Variants in WDR17 observed in about 807,000 individuals in gnomAD.
WDR17 encodes WD repeat domain 17.
In WDR17, 143 loss-of-function variants were observed where a neutral mutation model predicts 161.7. The ratio of observed to expected loss-of-function variants is 0.88; its 90% CI spans 0.77 to 1.02. The LOEUF is 1.02. Among genes scored for constraint, WDR17 ranks in the 50% least tolerant of loss-of-function variants. The probability of loss-of-function intolerance (pLI) is 0.00; values close to 1 mark genes in which losing one functional copy is unlikely to be tolerated. For synonymous variants in WDR17, 517 were observed against 515.6 expected, an observed-to-expected ratio of 1.00 and a Z score of -0.04; for missense variants, 1,469 against 1,520.9, an observed-to-expected ratio of 0.97 and a Z score of 0.57.
Position 176,180,251 on chromosome 4 carries a change from G to A in WDR17, c.*672G>A, listed in dbSNP as rs567400382. The A allele has an allele frequency of 4.0e-5, 6 of 151,474 alleles. No homozygotes were observed. The East Asian group carries it at 1.2e-3, about 30-fold the overall frequency. The allele number at this position is 151,474 out of a possible 1,614,324, so 9.4% of individuals were successfully genotyped here. Reference sequence around the variant, plus strand: ...TTATATAGGCTTGAAAAAAATTGGCGGGTAAAAATCACAAAATGCAGTCGA... The same window carrying A: ...TTATATAGGCTTGAAAAAAATTGGCAGGTAAAAATCACAAAATGCAGTCGA... On this transcript the variant is annotated 3_prime_UTR_variant, in exon 29 of 29. Transcript: ENST00000508596.
rs145598314 is a variant in WDR17, at chr4:176,115,806, G to T, written c.134G>T (p.Arg45Leu). 5 of 1,602,350 alleles carry T rather than the reference G, an allele frequency of 3.1e-6. No individual in the cohort carries two copies. The highest frequency in any genetic ancestry group is 4.3e-6 in the Non-Finnish European group (5 of 1,174,278). ...TATATTTTGTTTTAGTTGGATCACC[G>T]TTATAATGAATTCAAACTTCACGCA... ...LAIYIYQLDHRYNEFKLHAIM... is the reference protein window; with the variant it reads ...LAIYIYQLDHLYNEFKLHAIM... The change falls in exon 3 of 29, where the codon CGT becomes CTT. Residue 45 changes from arginine to leucine, a missense_variant. By Grantham distance (102) the Arg-to-Leu change is moderately radical. Coordinates refer to ENST00000508596, the MANE Select transcript of WDR17 (RefSeq NM_181265.4).
chr4:176,174,063 G>A (rs908131014), intron 25 of WDR17, among the ~76,000 whole-genome samples: 2 of 151,886 alleles, frequency 1.3e-5, no homozygotes, highest in Admixed American at 6.6e-5. Flanking sequence ...AAGTAAAATT[G>A]CTGGAAAGTA....
intron 17 of WDR17, among the ~76,000 whole-genome samples, chr4:176,152,416 G>A (rs913956640): frequency 6.6e-6 from 1 of 151,260 alleles, no homozygotes; most frequent in African/African-American, 2.4e-5. Context: ...CCAACATGGG[G>A]AAACCTTGTC....
Position 176,160,970 on chromosome 4 carries a change from T to C in WDR17, c.2718T>C (p.Tyr906=), listed in dbSNP as rs1487267458. 8.7e-6 allele frequency: 14 copies of C among 1,610,860 alleles called. No individual in the cohort carries two copies. Among genetic ancestry groups the C allele is most frequent in the Non-Finnish European group, 1.1e-5 (13 of 1,178,574 alleles). ...TTTCCGTGCCTAAAGGAGCTTCATA[T>C]TCTGATGATATCTACAAGGAAGACT... is the stretch of plus-strand genomic sequence containing the variant. ...LHVSVPKGAS[Y]SDDIYKEDFN... The change falls in exon 20 of 29, where the codon TAT becomes TAC. Residue 906 remains tyrosine, a synonymous_variant. Transcript: ENST00000508596.
At chr4:176,090,273 A>G (rs1735950404) in intron 1 of WDR17, among the ~76,000 whole-genome samples, 1 of 150,178 alleles carries the variant, frequency 6.7e-6, no homozygotes, top group African/African-American at 2.5e-5. Context: ...AAAAAAAAAA[A>G]GCCTGGCATT....
At position 176,065,947 on chromosome 4, in the gene WDR17, GC is replaced by G; in HGVS notation, c.-134del. On this transcript the variant is annotated 5_prime_UTR_variant, in exon 1 of 29. Transcript: ENST00000508596. ...CGGAGCCCGCGGGCCCGGCCGCCCC[GC>G]CCCCGGGCGCCCTGAGCGAGCAGGC... The G allele has an allele frequency of 6.6e-6, 1 of 152,048 alleles. No individual in the cohort carries two copies. The highest frequency in any genetic ancestry group is 1.5e-5 in the Non-Finnish European group (1 of 67,970). 9.4% of individuals were successfully genotyped at this position (152,048 alleles called of 1,614,324 possible).
intron 3 of WDR17, among the ~76,000 whole-genome samples, 194 bp from the exon 4 acceptor site, chr4:176,119,673 C>A (rs1579099698): frequency 6.6e-6 from 1 of 152,146 alleles, no homozygotes; most frequent in East Asian, 1.9e-4. Context: ...GATACATTTT[C>A]TTTCATCATG....
chr4:176,177,956 G>GCCT (rs1191013945), intron 28 of WDR17, among the ~76,000 whole-genome samples: 1 of 109,074 alleles, frequency 9.2e-6, no homozygotes, highest in Non-Finnish European at 1.7e-5. Context: ...TTGCACTCCA[G>GCCT]CCTGGGCAAC....
chr4:176,145,057 A>G (rs991924448), intron 11 of WDR17, among the ~76,000 whole-genome samples: 3 of 152,230 alleles, frequency 2.0e-5, no homozygotes, highest in Non-Finnish European at 4.4e-5. Flanking sequence ...TTAAATAAAT[A>G]TAAGTATTAT....
rs772229922 is a variant in WDR17, at chr4:176,180,356, A to C, written c.*777A>C. On this transcript the variant is annotated 3_prime_UTR_variant, in exon 29 of 29. Coordinates refer to ENST00000508596, the MANE Select transcript of WDR17 (RefSeq NM_181265.4). ...GCATGCATGGATATTAGTTTTGATT[A>C]ATGTGTACAATAATTTACACAGTAT... 2 of 152,172 alleles carry C rather than the reference A, an allele frequency of 1.3e-5. No individual in the cohort carries two copies. The highest frequency in any genetic ancestry group is 2.9e-5 in the Non-Finnish European group (2 of 68,030). 9.4% of individuals were successfully genotyped at this position (152,172 alleles called of 1,614,324 possible). A position where few individuals can be genotyped will look rare whatever the true frequency, so the allele number is the denominator to read the frequency against.
At chr4:176,173,182 A>C (rs1169915532) in intron 24 of WDR17, 85 bp from the exon 25 acceptor site, 3 of 897,598 alleles carry the variant, frequency 3.3e-6, no homozygotes, top group Non-Finnish European at 5.0e-6. Context: ...TGACTGACAG[A>C]AAATTAATTA....
chr4:176,086,163 A>T (rs1390214885), intron 1 of WDR17, among the ~76,000 whole-genome samples: 1 of 151,966 alleles, frequency 6.6e-6, no homozygotes, highest in African/African-American at 2.4e-5. Context: ...ATATACTCTG[A>T]ATGATTTCAG....
At chr4:176,176,458 C>T (rs562166930) in intron 26 of WDR17, among the ~76,000 whole-genome samples, 10 of 152,276 alleles carry the variant, frequency 6.6e-5, no homozygotes, top group Middle Eastern at 3.4e-3. Flanking sequence ...TCTCCTCCCA[C>T]GGCTCCACTC....
intron 2 of WDR17, 92 bp downstream of exon 2, chr4:176,111,795 A>G (rs942302877): frequency 9.0e-7 from 1 of 1,116,038 alleles, no homozygotes. Context: ...CATGAAAAAC[A>G]TAATGCTATA....
At chr4:176,088,828 C>A (rs981943024) in intron 1 of WDR17, among the ~76,000 whole-genome samples, 1 of 152,000 alleles carries the variant, frequency 6.6e-6, no homozygotes, top group Non-Finnish European at 1.5e-5. Context: ...TTTGTTTCTG[C>A]CTTCTTCATC....
chr4:176,135,006 G>T, intron 7 of WDR17, 102 bp from the exon 8 acceptor site: 2 of 1,196,220 alleles, frequency 1.7e-6, no homozygotes, highest in Admixed American at 2.3e-5. Context: ...TTAATATTTG[G>T]AAAACCGTAT....
At chr4:176,161,108 C>T in intron 20 of WDR17, 106 bp downstream of exon 20, 1 of 788,232 alleles carries the variant, frequency 1.3e-6, no homozygotes, top group Non-Finnish European at 1.9e-6. Context: ...GATGACTTGA[C>T]TGCCTCAACC....
chr4:176,074,160 A>C (rs1205372456), intron 1 of WDR17, among the ~76,000 whole-genome samples: 1 of 151,464 alleles, frequency 6.6e-6, no homozygotes, highest in East Asian at 1.9e-4. Flanking sequence ...GGTGTTTTAG[A>C]CATGAAGTCC....
At position 176,174,697 on chromosome 4, in the gene WDR17, C is replaced by G. The variant is rs1384936883; in HGVS notation, c.3428C>G (p.Pro1143Arg). The change falls in exon 26 of 29, where the codon CCA becomes CGA. Residue 1143 changes from proline to arginine, a missense_variant. Coordinates refer to ENST00000508596, the MANE Select transcript of WDR17 (RefSeq NM_181265.4). Reference protein sequence around the residue: ...AIRRQYQSIVPALYEYTSQLL... With the variant: ...AIRRQYQSIVRALYEYTSQLL... ...AGAAGACAGTACCAAAGCATTGTTC[C>G]AGCACTTTATGAGTACACAAGGTAA... The G allele has an allele frequency of 1.2e-6, 2 of 1,610,146 alleles. No individual in the cohort carries two copies. The highest frequency in any genetic ancestry group is 1.7e-6 in the Non-Finnish European group (2 of 1,177,684).
Sources: gnomAD v4.1 joint callset for allele counts (sites outside exome capture counted in the v4.1 genomes callset) on GRCh38, gnomAD v4.1.1 for gene constraint, MANE v1.5 for transcripts, NCBI Gene and HGNC (gene_info 2026-07-23, HGNC 2026-07-21) for gene names.